Variants in GPATCH8 observed in about 807,000 individuals in gnomAD.
The protein encoded by GPATCH8 is G patch domain-containing protein 8.
A neutral mutation model predicts 118.3 loss-of-function variants in GPATCH8; 18 were observed. The ratio of observed to expected loss-of-function variants is 0.15; its 90% confidence interval spans 0.11 to 0.23. The LOEUF (loss-of-function observed/expected upper bound fraction) is 0.23. Ranked by LOEUF, GPATCH8 falls within the 10% of genes least tolerant of loss-of-function variation. The pLI is 1.00. For missense variants in GPATCH8, 1,631 were observed against 1,873.8 expected (o/e 0.87, Z 2.39); for synonymous variants, 659 against 684.7 (o/e 0.96, Z 0.59).
At chr17:44,500,381 C>T (rs1362658276) in intron 1 of GPATCH8, among the ~76,000 whole-genome samples, 2 of 152,116 alleles carry the variant, frequency 1.3e-5, no homozygotes, top group Non-Finnish European at 2.9e-5. Context: ...GGAATAGGAC[C>T]TGTTTGTTAT....
At chr17:44,501,948 ATTT>A (rs1405439197) in intron 1 of GPATCH8, among the ~76,000 whole-genome samples, 6 of 152,086 alleles carry the variant, frequency 3.9e-5, no homozygotes, top group Admixed American at 1.3e-4. Context: ...ATATATATAT[ATTT>A]CTCAGGGATC....
In GPATCH8 at chr17:44,451,658, T is replaced by C. The variant is rs562061614; in HGVS notation, c.193+12814A>G. On this transcript the variant is annotated intron_variant, in intron 3 of 7. Transcript: ENST00000591680. ...TATTTTCTTTTTCCCTGGACACCAATTTCCATCCCTAAATATTTGGCAAAA... is the reference window on the plus strand; with the variant it reads ...TATTTTCTTTTTCCCTGGACACCAACTTCCATCCCTAAATATTTGGCAAAA... 3.9e-5 allele frequency among the ~76,000 whole-genome samples: 6 copies of C among 152,274 alleles called. No homozygotes were observed. The South Asian group carries it at 1.2e-3, about 32-fold the overall frequency.
Position 44,464,554 on chromosome 17 carries a change from A to G in GPATCH8, c.121-10T>C. ...GGTGTCCAATATTATCCTGACAGAC[A>G]GAACAGAGAGACAAACCAAAAATAT... On this transcript the variant is annotated splice_polypyrimidine_tract_variant and intron_variant, in intron 2 of 7. Coordinates refer to ENST00000591680, the MANE Select transcript of GPATCH8 (RefSeq NM_001002909.4). 6.5e-7 allele frequency: 1 copy of G among 1,547,574 alleles called. No individual in the cohort carries two copies. The highest frequency in any genetic ancestry group is 8.9e-7 in the Non-Finnish European group (1 of 1,120,708).
intron 6 of GPATCH8, among the ~76,000 whole-genome samples, 191 bp downstream of exon 6, chr17:44,424,158 T>C (rs149445482): frequency 2.0e-4 from 30 of 152,068 alleles, no homozygotes; most frequent in African/African-American, 6.8e-4. Flanking sequence ...TATGTGGGAG[T>C]GTGGGCTGGA....
rs569099475 is a variant in GPATCH8, at chr17:44,418,731, G to A, written c.492+5618C>T. 4.3e-4 allele frequency among the ~76,000 whole-genome samples: 66 copies of A among 152,262 alleles called. 1 individual carries two copies. The South Asian group carries it at 0.01, about 23-fold the overall frequency. ...CTCCCAAAGTGCTGGGATTACAGGC[G>A]TGAGCCACCGCGCCCGGCTAGTCAG... On this transcript the variant is annotated intron_variant, in intron 6 of 7. Transcript: ENST00000591680.
In GPATCH8 at chr17:44,406,083, G is replaced by A. The variant is rs1231933322; in HGVS notation, c.493-32C>T. ...TAAAAGAAAGAAAGATACAGAGGGT[G>A]GATGATTTACAGTAACTTGGGAATC... On this transcript the variant is annotated intron_variant, in intron 6 of 7. Coordinates refer to ENST00000591680, the MANE Select transcript of GPATCH8 (RefSeq NM_001002909.4). The A allele has an allele frequency of 4.5e-6, 7 of 1,554,058 alleles. No individual in the cohort carries two copies. In the South Asian group the frequency reaches 7.8e-5, roughly 17 times the overall value.
At chr17:44,458,480 C>T (rs1284909422) in intron 3 of GPATCH8, among the ~76,000 whole-genome samples, 3 of 152,062 alleles carry the variant, frequency 2.0e-5, no homozygotes, top group African/African-American at 7.2e-5. Flanking sequence ...GATATTTTCC[C>T]CAGTCTGTTT....
intron 3 of GPATCH8, among the ~76,000 whole-genome samples, chr17:44,451,811 C>T (rs979148757): frequency 5.3e-4 from 81 of 152,280 alleles, no homozygotes; most frequent in African/African-American, 1.9e-3. Flanking sequence ...TTTTTCTGGC[C>T]TGAATAACTA....
At chr17:44,458,736 C>G (rs1486214708) in intron 3 of GPATCH8, among the ~76,000 whole-genome samples, 1 of 152,112 alleles carries the variant, frequency 6.6e-6, no homozygotes. Context: ...GTTGCCCAAG[C>G]TGGTCTTGAA....
Position 44,401,266 on chromosome 17 carries a change from C to G in GPATCH8, c.811G>C (p.Gly271Arg), listed in dbSNP as rs146003788. 5.0e-6 allele frequency: 8 copies of G among 1,613,670 alleles called. No homozygotes were observed. The highest frequency in any genetic ancestry group is 6.8e-6 in the Non-Finnish European group (8 of 1,179,768). Reference protein sequence around the residue: ...FTAVQITNTTGLAQAPGLASQ... With the variant: ...FTAVQITNTTRLAQAPGLASQ... ...GCTAACCCAGGAGCCTGGGCCAGTCCAGTGGTATTAGTGATTTGTACTGCA... is the reference window on the plus strand; with the variant it reads ...GCTAACCCAGGAGCCTGGGCCAGTCGAGTGGTATTAGTGATTTGTACTGCA... Residue 271 changes from glycine to arginine, a missense_variant, in exon 8 of 8, where the codon GGA (glycine) becomes CGA (arginine). Gly to Arg is a moderately radical substitution (Grantham distance 125). Coordinates refer to ENST00000591680, the MANE Select transcript of GPATCH8 (RefSeq NM_001002909.4).
intron 1 of GPATCH8, among the ~76,000 whole-genome samples, chr17:44,484,802 A>T (rs931440803): frequency 3.9e-5 from 6 of 152,132 alleles, no homozygotes; most frequent in Non-Finnish European, 7.4e-5. Context: ...TCAATGTATC[A>T]TAAGTGCTAT....
chr17:44,501,201 C>G (rs1226281485), intron 1 of GPATCH8, among the ~76,000 whole-genome samples: 1 of 152,048 alleles, frequency 6.6e-6, no homozygotes, highest in Admixed American at 6.6e-5. Context: ...AGGCGGATCA[C>G]GAGTCAGGAG....
At chr17:44,435,411 CTTTTTTTTTT>C (rs566253126) in intron 4 of GPATCH8, among the ~76,000 whole-genome samples, 63 of 99,752 alleles carry the variant, frequency 6.3e-4, no homozygotes, top group African/African-American at 1.9e-3. Flanking sequence ...TCTTTCTTTC[CTTTTTTTTTT>C]TTTTTTTTTG....
At chr17:44,488,288 G>A (rs118011709) in intron 1 of GPATCH8, among the ~76,000 whole-genome samples, 4,703 of 146,954 alleles carry the variant, frequency 0.032, 159 homozygotes, top group East Asian at 0.16. Context: ...GTGTTGTGGC[G>A]CAATCTCAGC....
intron 2 of GPATCH8, chr17:44,464,835 G>T (rs560744075): frequency 1.1e-5 from 4 of 378,004 alleles, no homozygotes; most frequent in South Asian, 8.5e-5. Context: ...AGGGAAAAGG[G>T]GAAGAATACA....
In GPATCH8 at chr17:44,487,276, T is replaced by C. The variant is rs544815040; in HGVS notation, c.46-12373A>G. 7.7e-4 allele frequency among the ~76,000 whole-genome samples: 117 copies of C among 152,318 alleles called. 1 individual carries two copies. Among genetic ancestry groups the C allele is most frequent in the Middle Eastern group, 6.8e-3 (2 of 294 alleles). On this transcript the variant is annotated intron_variant, in intron 1 of 7. Coordinates refer to ENST00000591680, the MANE Select transcript of GPATCH8 (RefSeq NM_001002909.4). ...ATTATGTAGCCTTTTCCAATTGGCTTCTTTCACATATTCTTGAATAAGTAT... is the reference window on the plus strand; with the variant it reads ...ATTATGTAGCCTTTTCCAATTGGCTCCTTTCACATATTCTTGAATAAGTAT...
rs185414109 is a variant in GPATCH8, at chr17:44,462,959, C to T, written c.193+1513G>A. ...TCGCGCCGCTGCACTCTAGCCTGGG[C>T]GACAGAGCGAGACTCCACTTCAAAA... On this transcript the variant is annotated intron_variant, in intron 3 of 7. Transcript: ENST00000591680. Among the ~76,000 whole-genome samples the T allele has an allele frequency of 2.1e-3, 319 of 149,936 alleles. 1 individual carries two copies. The highest frequency in any genetic ancestry group is 7.5e-3 in the African/African-American group (306 of 40,678).
chr17:44,453,295 T>A (rs1448826406), intron 3 of GPATCH8, among the ~76,000 whole-genome samples: 4 of 152,274 alleles, frequency 2.6e-5, no homozygotes, highest in East Asian at 3.9e-4. Flanking sequence ...GATTCTATAG[T>A]TTACTGGTTG....
chr17:44,452,701 T>A (rs1352032475), intron 3 of GPATCH8, among the ~76,000 whole-genome samples: 1 of 152,212 alleles, frequency 6.6e-6, no homozygotes, highest in African/African-American at 2.4e-5. Context: ...GCTGGGATAA[T>A]GAAAAGAGAT....
Sources: gnomAD v4.1 joint callset for allele counts (sites outside exome capture counted in the v4.1 genomes callset) on GRCh38, gnomAD v4.1.1 for gene constraint, MANE v1.5 for transcripts, NCBI Gene and HGNC (gene_info 2026-07-23, HGNC 2026-07-21) for gene names.